KIAA1671: variants seen among roughly 807,000 people sequenced by gnomAD.
The protein encoded by KIAA1671 is KIAA1671.
In KIAA1671, 52 loss-of-function variants were observed where a neutral mutation model predicts 131.2. The ratio of observed to expected loss-of-function variants is 0.40; its 90% CI spans 0.32 to 0.50. The LOEUF (loss-of-function observed/expected upper bound fraction) is 0.50. Ranked by LOEUF, KIAA1671 falls within the 20% of genes least tolerant of loss-of-function variation. KIAA1671 has a pLI of 0.73. For missense variants in KIAA1671, 2,360 were observed against 2,364.2 expected, an observed-to-expected ratio of 1.00 and a Z score of 0.04; for synonymous variants, 1,003 against 961.6, an observed-to-expected ratio of 1.04 and a Z score of -0.80.
chr22:25,121,440 C>T (rs937157133), intron 6 of KIAA1671, among the ~76,000 whole-genome samples: 11 of 141,494 alleles, frequency 7.8e-5, no homozygotes, highest in African/African-American at 1.1e-4. Context: ...CCAGCCTGGG[C>T]GACAGAGTGA....
chr22:25,039,617 C>T lies in KIAA1671; in HGVS notation c.2487C>T (p.Ser829=). 6.4e-7 allele frequency: 1 copy of T among 1,550,442 alleles called. No homozygotes were observed. The highest frequency in any genetic ancestry group is 8.7e-7 in the Non-Finnish European group (1 of 1,146,040). The part of the protein sequence containing the change: ...FPKWTGGAVV[S]SHKATVAVSE... ...AATGGACAGGCGGGGCAGTGGTGAG[C>T]TCGCACAAAGCCACCGTGGCAGTCA... Residue 829 remains serine (S), a synonymous_variant, in exon 5 of 13, where the codon AGC becomes AGT. Coordinates refer to ENST00000358431, the MANE Select transcript of KIAA1671 (RefSeq NM_001145206.2).
At chr22:25,033,171 A>C (rs2145794449) in intron 4 of KIAA1671, among the ~76,000 whole-genome samples, 1 of 152,142 alleles carries the variant, frequency 6.6e-6, no homozygotes, top group Middle Eastern at 3.4e-3. Flanking sequence ...GGATTGCTTG[A>C]GCCCAAGAGT....
intron 6 of KIAA1671, among the ~76,000 whole-genome samples, chr22:25,160,135 C>G (rs2145992437): frequency 6.6e-6 from 1 of 152,346 alleles, no homozygotes; most frequent in South Asian, 2.1e-4. Flanking sequence ...CTGAGACCTC[C>G]AGTCCCAGAC....
At chr22:25,090,549 C>G (rs759497827) in intron 6 of KIAA1671, among the ~76,000 whole-genome samples, 1 of 152,238 alleles carries the variant, frequency 6.6e-6, no homozygotes, top group Non-Finnish European at 1.5e-5. Context: ...TGGGAAAACC[C>G]CACACTCGGA....
At chr22:25,179,572 G>A in intron 9 of KIAA1671, 1 of 1,496,148 alleles carries the variant, frequency 6.7e-7, no homozygotes, top group Non-Finnish European at 9.1e-7. Flanking sequence ...AGGGAACGGA[G>A]CCGCTTCCCC....
intron 1 of KIAA1671, among the ~76,000 whole-genome samples, chr22:24,959,778 A>G (rs958251143): frequency 6.6e-6 from 1 of 152,178 alleles, no homozygotes; most frequent in African/African-American, 2.4e-5. Context: ...AAGCTATCAC[A>G]GCTACATTTG....
intron 6 of KIAA1671, among the ~76,000 whole-genome samples, chr22:25,129,274 T>C (rs1932323917): frequency 6.6e-6 from 1 of 152,120 alleles, no homozygotes; most frequent in Non-Finnish European, 1.5e-5. Context: ...ATCCCAGCAC[T>C]TTGGGAGGCG....
At position 25,039,503 on chromosome 22, in the gene KIAA1671, G is replaced by A; in HGVS notation, c.2373G>A (p.Gly791=). ...DLECGLEGQA[G]SVQRASLIWE... is the part of the protein sequence containing the mutation. Reference sequence around the variant, plus strand: ...AGTGTGGTTTGGAAGGTCAGGCGGGGTCCGTCCAAAGGGCCAGTTTGATTT... The same window carrying A: ...AGTGTGGTTTGGAAGGTCAGGCGGGATCCGTCCAAAGGGCCAGTTTGATTT... The change falls in exon 5 of 13, where the codon GGG becomes GGA. Residue 791 remains glycine, a synonymous_variant. Coordinates refer to ENST00000358431, the MANE Select transcript of KIAA1671 (RefSeq NM_001145206.2). 1.9e-6 allele frequency: 3 copies of A among 1,551,798 alleles called. No homozygotes were observed. The highest frequency in any genetic ancestry group is 1.4e-5 in the African/African-American group (1 of 73,198).
intron 1 of KIAA1671, among the ~76,000 whole-genome samples, chr22:24,981,071 T>C (rs1258669904): frequency 4.6e-5 from 7 of 151,334 alleles, no homozygotes; most frequent in African/African-American, 1.7e-4. Context: ...TCTGTGTGTG[T>C]GTGTGTGTGT....
chr22:25,138,368 G>A (rs969633530), intron 6 of KIAA1671, among the ~76,000 whole-genome samples: 13 of 152,228 alleles, frequency 8.5e-5, no homozygotes, highest in African/African-American at 2.9e-4. Context: ...CAAGTCACAT[G>A]ACTGCACCTG....
chr22:24,982,285 C>T (rs1923273316), intron 1 of KIAA1671, among the ~76,000 whole-genome samples: 1 of 152,164 alleles, frequency 6.6e-6, no homozygotes, highest in South Asian at 2.1e-4. Flanking sequence ...CATCAAGTTC[C>T]CACTAAATAA....
chr22:24,982,899 G>T (rs1035563860), intron 1 of KIAA1671, among the ~76,000 whole-genome samples: 2 of 152,226 alleles, frequency 1.3e-5, no homozygotes, highest in Non-Finnish European at 1.5e-5. Context: ...CCTGGGTGCT[G>T]GTTTCCCTGG....
chr22:24,969,919 G>T lies in KIAA1671; in HGVS notation c.-208+17147G>T, dbSNP rs148679528. Among the ~76,000 whole-genome samples the T allele has an allele frequency of 3.9e-3, 600 of 152,296 alleles. 2 individuals carry two copies. Among genetic ancestry groups the T allele is most frequent in the African/African-American group, 0.014 (566 of 41,568 alleles). On this transcript the variant is annotated intron_variant, in intron 1 of 12. Coordinates refer to ENST00000358431, the MANE Select transcript of KIAA1671 (RefSeq NM_001145206.2). ...GGCCCCTTCTATGGATGCTGTAATT[G>T]ATAAGTAGTGGATTTAGACAACAGG...
intron 1 of KIAA1671, among the ~76,000 whole-genome samples, chr22:24,955,508 G>T (rs1387403936): frequency 6.6e-6 from 1 of 152,196 alleles, no homozygotes; most frequent in African/African-American, 2.4e-5. Flanking sequence ...CTGGAGGTAG[G>T]TGAGTGCCTA....
chr22:25,089,923 T>C (rs1057395437), intron 6 of KIAA1671, among the ~76,000 whole-genome samples: 7 of 152,208 alleles, frequency 4.6e-5, no homozygotes, highest in Non-Finnish European at 8.8e-5. Flanking sequence ...GGGCTGGGAC[T>C]GGCAGGGGTG....
chr22:25,130,276 T>G (rs1248626999), intron 6 of KIAA1671, among the ~76,000 whole-genome samples: 3 of 152,208 alleles, frequency 2.0e-5, no homozygotes, highest in African/African-American at 7.2e-5. Flanking sequence ...AGTCACACCC[T>G]GTTAAGATCT....
Position 25,028,946 on chromosome 22 carries a change from T to TA in KIAA1671, c.948dup (p.Glu317ArgfsTer23). On this transcript the variant is annotated frameshift_variant, in exon 3 of 13. Transcript: ENST00000358431. LOFTEE classifies it high-confidence loss of function. ...CCCACAGCAGGGGATATGGCTGGGC[T>TA]AGAGAGGCCCAGAGCAGCGTCCAAG... The TA allele has an allele frequency of 6.4e-7, 1 of 1,550,712 alleles. No individual in the cohort carries two copies. The highest frequency in any genetic ancestry group is 8.7e-7 in the Non-Finnish European group (1 of 1,146,602).
intron 9 of KIAA1671, among the ~76,000 whole-genome samples, chr22:25,179,154 A>G (rs535180672): frequency 1.1e-3 from 174 of 151,998 alleles, no homozygotes; most frequent in African/African-American, 4.1e-3. Flanking sequence ...CACCACGAGG[A>G]CAGGGCAGGG....
chr22:25,041,553 G>C, intron 5 of KIAA1671, 28 bp downstream of exon 5: 1 of 1,491,028 alleles, frequency 6.7e-7, no homozygotes, highest in Non-Finnish European at 8.9e-7. Flanking sequence ...TTTTAATTTT[G>C]TCAAACATGG....
Sources: gnomAD v4.1 joint callset for allele counts (sites outside exome capture counted in the v4.1 genomes callset) on GRCh38, gnomAD v4.1.1 for gene constraint, MANE v1.5 for transcripts, NCBI Gene and HGNC (gene_info 2026-07-23, HGNC 2026-07-21) for gene names.